MICOS13: variants seen among roughly 807,000 people sequenced by gnomAD.
The protein encoded by MICOS13 is MICOS complex subunit MIC13.
In MICOS13, 15 loss-of-function variants were observed where a neutral mutation model predicts 16.1. The ratio of observed to expected loss-of-function variants is 0.93; its 90% confidence interval spans 0.62 to 1.44. The LOEUF (loss-of-function observed/expected upper bound fraction) is 1.44, where lower values mean the gene tolerates loss of function less well. MICOS13 is among the 40% of genes most tolerant of loss of function. The probability of loss-of-function intolerance (pLI) is 0.00; values close to 1 mark genes in which losing one functional copy is unlikely to be tolerated. For synonymous variants in MICOS13, 61 were observed against 62.6 expected (o/e 0.97, Z 0.12); for missense variants, 164 against 155.0 (o/e 1.06, Z -0.31).
At chr19:5,679,976 G>T in intron 1 of MICOS13, 1 of 1,457,584 alleles carries the variant, frequency 6.9e-7, no homozygotes, top group South Asian at 1.3e-5. Context: ...TTGAACTGAT[G>T]AACTGAAACC....
chr19:5,679,863 C>G (rs2054501130), intron 1 of MICOS13, 100 bp from the exon 2 acceptor site: 16 of 1,438,920 alleles, frequency 1.1e-5, no homozygotes, highest in Non-Finnish European at 1.5e-5. Context: ...TGAGGGCTCA[C>G]CGTCCACAGG....
intron 3 of MICOS13, 39 bp downstream of exon 3, chr19:5,679,305 TG>T: frequency 6.3e-7 from 1 of 1,579,412 alleles, no homozygotes; most frequent in Non-Finnish European, 8.7e-7. Flanking sequence ...GGGGCTAGAC[TG>T]GGGTGTCTCC....
chr19:5,679,331 A>C lies in MICOS13; in HGVS notation c.259+14T>G. On this transcript the variant is annotated intron_variant, in intron 3 of 3. Transcript: ENST00000309324. ...GGGGTGTCTCCCTCCAAGCAAAGAA[A>C]CTGGGTGCCTTACCTGCATTCCAGG... The C allele has an allele frequency of 6.2e-7, 1 of 1,611,366 alleles. No individual in the cohort carries two copies. The highest frequency in any genetic ancestry group is 8.5e-7 in the Non-Finnish European group (1 of 1,178,212).
In MICOS13 at chr19:5,680,478, G is replaced by C; in HGVS notation, c.9C>G (p.Ala3=). Residue 3 remains alanine (A), a synonymous_variant, in exon 1 of 4, where the codon GCC becomes GCG. Transcript: ENST00000309324. MV[A]RVWSLMRFLI... ...CGCACCTCATCAGCGACCACACCCG[G>C]GCCACCATGGTCGCTCGGATCCACG... The C allele has an allele frequency of 6.2e-7, 1 of 1,607,918 alleles. No individual in the cohort carries two copies. Among genetic ancestry groups the C allele is most frequent in the Non-Finnish European group, 8.5e-7 (1 of 1,178,670 alleles).
chr19:5,678,926 T>G (rs1038044382), intron 3 of MICOS13: 9 of 394,186 alleles, frequency 2.3e-5, no homozygotes, highest in African/African-American at 8.7e-5. Flanking sequence ...TTTATTTTTT[T>G]GAGATGGAGT....
At position 5,678,434 on chromosome 19, in the gene MICOS13, C is replaced by A. The variant is rs958281610; in HGVS notation, c.*117G>T. ...ACGGGTCAGGGAACACTTCTGAAGTCCTTTATTGGGCCGGCAAGGCCGGGA... is the reference window on the plus strand; with the variant it reads ...ACGGGTCAGGGAACACTTCTGAAGTACTTTATTGGGCCGGCAAGGCCGGGA... On this transcript the variant is annotated 3_prime_UTR_variant, in exon 4 of 4. Transcript: ENST00000309324. The A allele has an allele frequency of 1.6e-5, 16 of 1,002,638 alleles. No individual in the cohort carries two copies. The highest frequency in any genetic ancestry group is 2.4e-5 in the Non-Finnish European group (16 of 676,250). The allele number at this position is 1,002,638 out of a possible 1,614,324, so 62.1% of individuals were successfully genotyped here.
intron 1 of MICOS13, chr19:5,679,986 C>T (rs760960479): frequency 8.8e-6 from 13 of 1,474,326 alleles, no homozygotes; most frequent in Non-Finnish European, 9.8e-6. Context: ...GAACTGAAAC[C>T]CAGAGGGGGA....
chr19:5,679,997 G>T, intron 1 of MICOS13: 1 of 1,477,284 alleles, frequency 6.8e-7, no homozygotes, highest in Non-Finnish European at 8.9e-7. Flanking sequence ...CAGAGGGGGA[G>T]AGTGGGTCAC....
chr19:5,680,393 G>A (rs774062187), intron 1 of MICOS13, 65 bp downstream of exon 1: 1 of 1,608,970 alleles, frequency 6.2e-7, no homozygotes, highest in Non-Finnish European at 8.5e-7. Flanking sequence ...CCAGACTGGA[G>A]ACAGGGATGC....
intron 1 of MICOS13, chr19:5,680,135 G>T: frequency 1.3e-6 from 2 of 1,536,108 alleles, no homozygotes; most frequent in Non-Finnish European, 1.7e-6. Flanking sequence ...CTCCGAGCAC[G>T]CATTCACTTC....
chr19:5,680,369 A>G lies in MICOS13; in HGVS notation c.29+89T>C. 3 of 1,605,078 alleles carry G rather than the reference A, an allele frequency of 1.9e-6. No individual in the cohort carries two copies. The South Asian group carries it at 3.3e-5, about 18-fold the overall frequency. On this transcript the variant is annotated intron_variant, in intron 1 of 3. Transcript: ENST00000309324. ...GGGGAAGTGACTCTAAGGGAAGCGA[A>G]GAGCAGATCGGGACCAGACTGGAGA...
chr19:5,680,432 G>A, intron 1 of MICOS13, 26 bp downstream of exon 1: 1 of 1,613,154 alleles, frequency 6.2e-7, no homozygotes, highest in African/African-American at 1.3e-5. Flanking sequence ...TCGGGGACTC[G>A]GGTCCCCTCC....
intron 3 of MICOS13, 195 bp from the exon 4 acceptor site, chr19:5,678,843 G>C: frequency 1.9e-6 from 1 of 530,926 alleles, no homozygotes; most frequent in Non-Finnish European, 3.3e-6. Flanking sequence ...CTGGGTTCAA[G>C]CGATTCTCTT....
In MICOS13 at chr19:5,679,401, GA is replaced by G; in HGVS notation, c.208-6del. 2 of 1,613,170 alleles carry G rather than the reference GA, an allele frequency of 1.2e-6. No individual in the cohort carries two copies. Among genetic ancestry groups the G allele is most frequent in the Non-Finnish European group, 1.7e-6 (2 of 1,179,604 alleles). On this transcript the variant is annotated splice_region_variant and splice_polypyrimidine_tract_variant and intron_variant, in intron 2 of 3. Transcript: ENST00000309324. ...AATCTTTGGAGGGGCTGGGAGCTGG[GA>G]AAAAGAGATGGGCAGAAAGAACTGG...
intron 1 of MICOS13, chr19:5,680,144 T>A: frequency 6.5e-7 from 1 of 1,536,118 alleles, no homozygotes; most frequent in Non-Finnish European, 8.7e-7. Context: ...CGCATTCACT[T>A]CTCATCCACG....
intron 1 of MICOS13, chr19:5,680,065 C>A (rs762135824): frequency 1.3e-6 from 2 of 1,528,516 alleles, no homozygotes; most frequent in African/African-American, 1.4e-5. Flanking sequence ...CTTCTAGAAG[C>A]CTTCCAGCCC....
At chr19:5,679,147 G>A (rs573031583) in intron 3 of MICOS13, 198 bp downstream of exon 3, 11 of 587,092 alleles carry the variant, frequency 1.9e-5, no homozygotes, top group Non-Finnish European at 3.3e-5. Flanking sequence ...CCTGACTTCA[G>A]ATGATCCGCC....
At chr19:5,680,234 T>C (rs559602378) in intron 1 of MICOS13, 1 of 1,553,236 alleles carries the variant, frequency 6.4e-7, no homozygotes, top group Admixed American at 1.9e-5. Flanking sequence ...CACCGCGAAC[T>C]GAACGCCAAG....
rs1393801683 is a variant in MICOS13 at position 5,678,629 on chromosome 19, T to C, written c.279A>G (p.Ser93=). Reference sequence around the variant, plus strand: ...CCTTGGAGGGGGCCACCGACAGAGCTGACATCACCGTCATGATGCCTGTGG... The same window carrying C: ...CCTTGGAGGGGGCCACCGACAGAGCCGACATCACCGTCATGATGCCTGTGG... ...SWNAGIMTVM[S]ALSVAPSKAR... Residue 93 remains serine, a synonymous_variant, in exon 4 of 4, where the codon TCA becomes TCG. Transcript: ENST00000309324. 6.5e-7 allele frequency: 1 copy of C among 1,541,410 alleles called. No homozygotes were observed. The highest frequency in any genetic ancestry group is 8.7e-7 in the Non-Finnish European group (1 of 1,142,860).
Sources: gnomAD v4.1 joint callset for allele counts on GRCh38, gnomAD v4.1.1 for gene constraint, MANE v1.5 for transcripts, NCBI Gene and HGNC (gene_info 2026-07-23, HGNC 2026-07-21) for gene names.